FRAS1: variants seen among roughly 807,000 people sequenced by gnomAD.
The protein encoded by FRAS1 is Fraser extracellular matrix complex subunit 1, also known as extracellular matrix organizing protein FRAS1.
A neutral mutation model predicts 435.2 loss-of-function variants in FRAS1; 290 were observed. That is an observed-to-expected ratio of 0.67 (90% CI 0.61 to 0.73). FRAS1 has a LOEUF of 0.73. FRAS1 is among the 30% of genes least tolerant of loss of function. The probability of loss-of-function intolerance (pLI) is 0.00; values close to 1 mark genes in which losing one functional copy is unlikely to be tolerated. For synonymous variants in FRAS1, 1,800 were observed against 1,851.0 expected, an observed-to-expected ratio of 0.97 and a Z score of 0.71; for missense variants, 4,860 against 5,001.5, an observed-to-expected ratio of 0.97 and a Z score of 0.85.
chr4:78,127,507 G>A lies in FRAS1; in HGVS notation c.108+61491G>A, dbSNP rs527320418. Among the ~76,000 whole-genome samples, 207 of 152,288 alleles carry A rather than the reference G, an allele frequency of 1.4e-3. 2 individuals are homozygous for A. Among genetic ancestry groups the A allele is most frequent in the African/African-American group, 4.7e-3 (197 of 41,562 alleles). On this transcript the variant is annotated intron_variant, in intron 2 of 73. Transcript: ENST00000512123. ...TTAACCAAGAGGTAGCACTGGGGTGGAGAAGAGGAGGGATTTGGGAGATAT... is the reference window on the plus strand; with the variant it reads ...TTAACCAAGAGGTAGCACTGGGGTGAAGAAGAGGAGGGATTTGGGAGATAT...
In FRAS1 at chr4:78,120,392, T is replaced by C. The variant is rs964974003; in HGVS notation, c.108+54376T>C. On this transcript the variant is annotated intron_variant, in intron 2 of 73. Transcript: ENST00000512123. ...TTAGAGTTGTCCAAGAAATAGCATGTATTCTAAATACGGCTTATTTCTGAG... is the reference window on the plus strand; with the variant it reads ...TTAGAGTTGTCCAAGAAATAGCATGCATTCTAAATACGGCTTATTTCTGAG... Among the ~76,000 whole-genome samples the C allele has an allele frequency of 5.3e-5, 8 of 152,354 alleles. No individual in the cohort carries two copies. The East Asian group carries it at 1.5e-3, about 29-fold the overall frequency.
chr4:78,490,563 A>G (rs1238213084), intron 59 of FRAS1, among the ~76,000 whole-genome samples: 3 of 152,190 alleles, frequency 2.0e-5, no homozygotes, highest in Non-Finnish European at 2.9e-5. Flanking sequence ...CTACTGGGTA[A>G]ATAACAAAAT....
chr4:78,302,876 T>C (rs1256401378), intron 14 of FRAS1, among the ~76,000 whole-genome samples: 3 of 152,260 alleles, frequency 2.0e-5, no homozygotes, highest in Non-Finnish European at 4.4e-5. Flanking sequence ...ATCCTATTTG[T>C]CAACTTTGAC....
chr4:78,064,974 T>A (rs1739933505), intron 1 of FRAS1, among the ~76,000 whole-genome samples: 1 of 150,708 alleles, frequency 6.6e-6, no homozygotes, highest in Admixed American at 6.6e-5. Context: ...TCTTTCTAAG[T>A]TAAATCAAGA....
Position 78,446,837 on chromosome 4 carries a change from A to C in FRAS1, c.5967A>C (p.Pro1989=), listed in dbSNP as rs1184813836. The C allele has an allele frequency of 6.2e-7, 1 of 1,612,284 alleles. No homozygotes were observed. Among genetic ancestry groups the C allele is most frequent in the South Asian group, 1.1e-5 (1 of 90,566 alleles). The change falls in exon 43 of 74, where the codon CCA becomes CCC. Residue 1989 remains proline (P), a synonymous_variant. Coordinates refer to ENST00000512123, the MANE Select transcript of FRAS1 (RefSeq NM_025074.7). ...TGAGCCTGCAAGACCTGGACACCCCAGATAATGAGCTCATTTTTGTATTGA... is the reference window on the plus strand; with the variant it reads ...TGAGCCTGCAAGACCTGGACACCCCCGATAATGAGCTCATTTTTGTATTGA... The part of the protein sequence containing the change: ...SSLSLQDLDT[P]DNELIFVLTK...
At chr4:78,364,990 T>C (rs538722695) in intron 22 of FRAS1, among the ~76,000 whole-genome samples, 3 of 152,310 alleles carry the variant, frequency 2.0e-5, no homozygotes, top group African/African-American at 7.2e-5. Context: ...GTTTCTTTTT[T>C]TTGTAAAAGG....
Position 78,542,146 on chromosome 4 carries a change from A to C in FRAS1, c.*1022A>C, listed in dbSNP as rs1386581761. The C allele has an allele frequency of 1.3e-5, 2 of 152,218 alleles. No individual in the cohort carries two copies. The highest frequency in any genetic ancestry group is 4.8e-5 in the African/African-American group (2 of 41,454). The allele number at this position is 152,218 out of a possible 1,614,324, so 9.4% of individuals were successfully genotyped here. ...TTAGGAGAAAGCCCAGGTTGGGGTG[A>C]AATCAGACTTAACAGATACATGCTG... is the stretch of plus-strand genomic sequence containing the variant. On this transcript the variant is annotated 3_prime_UTR_variant, in exon 74 of 74. Transcript: ENST00000512123.
intron 60 of FRAS1, among the ~76,000 whole-genome samples, chr4:78,498,524 A>T (rs1307197556): frequency 6.6e-6 from 1 of 151,650 alleles, no homozygotes; most frequent in Non-Finnish European, 1.5e-5. Flanking sequence ...AAAAAAAAAA[A>T]AGATTTATGC....
chr4:78,385,974 T>C (rs1167329996), intron 28 of FRAS1, among the ~76,000 whole-genome samples: 2 of 152,172 alleles, frequency 1.3e-5, no homozygotes, highest in Non-Finnish European at 2.9e-5. Flanking sequence ...GTTTAGATGT[T>C]TCTCAGTCCT....
intron 2 of FRAS1, among the ~76,000 whole-genome samples, chr4:78,177,884 A>G (rs1392896071): frequency 1.3e-5 from 2 of 152,182 alleles, no homozygotes; most frequent in Admixed American, 6.5e-5. Flanking sequence ...GGCAGTAATG[A>G]TACCTAACCT....
intron 49 of FRAS1, 122 bp downstream of exon 49, chr4:78,464,705 T>G: frequency 9.9e-7 from 1 of 1,011,890 alleles, no homozygotes. Flanking sequence ...GCAAGCATCC[T>G]TGAAGGATTA....
chr4:78,299,755 T>G (rs1048435195), intron 14 of FRAS1, among the ~76,000 whole-genome samples: 1 of 152,218 alleles, frequency 6.6e-6, no homozygotes, highest in African/African-American at 2.4e-5. Flanking sequence ...CTCTGGCCCA[T>G]CTGAAGTTGG....
chr4:78,280,212 G>C (rs1580106), intron 10 of FRAS1, among the ~76,000 whole-genome samples: 146,385 of 152,274 alleles, frequency 0.96, 70,608 homozygotes, highest in East Asian at 1. Flanking sequence ...GCCAGCATCA[G>C]TACTCTTGGA....
chr4:78,486,861 G>T (rs1214582299), intron 58 of FRAS1, among the ~76,000 whole-genome samples: 1 of 143,590 alleles, frequency 7.0e-6, no homozygotes, highest in Non-Finnish European at 1.5e-5. Flanking sequence ...GGCAGACAGG[G>T]ATAGAAGTGA....
At position 78,432,459 on chromosome 4, in the gene FRAS1, G is replaced by A. The variant is rs554675024; in HGVS notation, c.5072G>A (p.Gly1691Asp). Residue 1691 changes from glycine to aspartate, a missense_variant, in exon 38 of 74, where the codon GGC becomes GAC. By Grantham distance (94) the Gly-to-Asp change is moderately conservative. Transcript: ENST00000512123. Reference sequence around the variant, plus strand: ...AGCATGGAGATCTCAGTCACAGATGGCCTCACAGTGACAATGCTGGAGGTG... The same window carrying A: ...AGCATGGAGATCTCAGTCACAGATGACCTCACAGTGACAATGCTGGAGGTG... Reference protein sequence around the residue: ...EDSMEISVTDGLTVTMLEVRV... With the variant: ...EDSMEISVTDDLTVTMLEVRV... The A allele has an allele frequency of 2.8e-5, 45 of 1,613,374 alleles. No homozygotes were observed. In the East Asian group the frequency reaches 9.1e-4, roughly 33 times the overall value.
chr4:78,060,738 G>A (rs577228230), intron 1 of FRAS1, among the ~76,000 whole-genome samples: 8 of 152,286 alleles, frequency 5.3e-5, no homozygotes, highest in African/African-American at 1.9e-4. Context: ...TACATTACGT[G>A]ATAGCTCTAA....
chr4:78,422,214 GTAAA>G (rs1474898224), intron 34 of FRAS1, among the ~76,000 whole-genome samples: 3 of 151,404 alleles, frequency 2.0e-5, no homozygotes, highest in Non-Finnish European at 2.9e-5. Flanking sequence ...CATACTTTCA[GTAAA>G]TCTTTATTTT....
At chr4:78,448,423 G>C in intron 44 of FRAS1, 107 bp downstream of exon 44, 1 of 1,052,112 alleles carries the variant, frequency 9.5e-7, no homozygotes, top group Non-Finnish European at 1.3e-6. Context: ...GCATCTTAAA[G>C]TACCTGTTCC....
Position 78,454,263 on chromosome 4 carries a change from C to T in FRAS1, c.6763+1909C>T, listed in dbSNP as rs150765461. Among the ~76,000 whole-genome samples, 662 of 151,658 alleles carry T rather than the reference C, an allele frequency of 4.4e-3. 5 individuals carry two copies. Among genetic ancestry groups the T allele is most frequent in the African/African-American group, 0.015 (638 of 41,314 alleles). On this transcript the variant is annotated intron_variant, in intron 47 of 73. Coordinates refer to ENST00000512123, the MANE Select transcript of FRAS1 (RefSeq NM_025074.7). ...TCCGTCAGACAAATCATGTTCAAGACGCAGCAAGGAGACCAGGGTGGCTGC... is the reference window on the plus strand; with the variant it reads ...TCCGTCAGACAAATCATGTTCAAGATGCAGCAAGGAGACCAGGGTGGCTGC...
Sources: allele counts gnomAD v4.1 joint callset (sites outside exome capture counted in the v4.1 genomes callset), GRCh38; gene constraint gnomAD v4.1.1; transcripts MANE v1.5; gene names NCBI Gene and HGNC (gene_info 2026-07-23, HGNC 2026-07-21).